Variants in LINGO2 observed in about 807,000 individuals in gnomAD.
LINGO2 encodes leucine-rich repeat and immunoglobulin-like domain-containing nogo receptor-interacting protein 2.
A neutral mutation model predicts 30.6 loss-of-function variants in LINGO2; 14 were observed. The ratio of observed to expected loss-of-function variants is 0.46; its 90% CI spans 0.30 to 0.72. The LOEUF is 0.72. LINGO2 is among the 30% of genes least tolerant of loss of function. The probability of loss-of-function intolerance (pLI) is 0.07; values close to 1 mark genes in which losing one functional copy is unlikely to be tolerated. For synonymous variants in LINGO2, 317 were observed against 288.5 expected, an observed-to-expected ratio of 1.10 and a Z score of -1.00; for missense variants, 729 against 751.7, an observed-to-expected ratio of 0.97 and a Z score of 0.35.
the LINGO2 span, among the ~76,000 whole-genome samples, chr9:29,093,987 C>A: frequency 1.4e-5 from 2 of 138,490 alleles, no homozygotes; most frequent in African/African-American, 5.4e-5. Context: ...TAAGAAAAAT[C>A]TGCATATTTT....
At chr9:29,011,601 A>G in the LINGO2 span, among the ~76,000 whole-genome samples, 1 of 152,192 alleles carries the variant, frequency 6.6e-6, no homozygotes, top group Non-Finnish European at 1.5e-5. Context: ...CCAAGGCATT[A>G]TCAATTTCGC....
At chr9:29,100,974 G>C in the LINGO2 span, among the ~76,000 whole-genome samples, 1 of 152,186 alleles carries the variant, frequency 6.6e-6, no homozygotes, top group African/African-American at 2.4e-5. Flanking sequence ...TACTAAGGTG[G>C]TAGCAGTAGG....
chr9:28,778,906 A>C, the LINGO2 span, among the ~76,000 whole-genome samples: 1 of 152,326 alleles, frequency 6.6e-6, no homozygotes, highest in East Asian at 1.9e-4. Context: ...TGAAAATATT[A>C]AACATTTTGC....
the LINGO2 span, among the ~76,000 whole-genome samples, chr9:29,059,061 T>C: frequency 1.3e-5 from 2 of 151,858 alleles, no homozygotes; most frequent in African/African-American, 2.4e-5. Flanking sequence ...AAATATGAAA[T>C]AGTATGGATG....
chr9:28,496,573 C>T (rs1266959451), intron 1 of LINGO2, among the ~76,000 whole-genome samples: 4 of 151,752 alleles, frequency 2.6e-5, no homozygotes, highest in African/African-American at 9.7e-5. Flanking sequence ...AGATGGGTCT[C>T]CTGAATATAG....
the LINGO2 span, among the ~76,000 whole-genome samples, chr9:29,076,173 C>G: frequency 1.3e-5 from 2 of 151,942 alleles, no homozygotes; most frequent in Non-Finnish European, 2.9e-5. Context: ...CTACTAAACC[C>G]AATCAAAAAA....
the LINGO2 span, among the ~76,000 whole-genome samples, chr9:28,881,585 C>T: frequency 3.1e-4 from 46 of 150,706 alleles, no homozygotes; most frequent in African/African-American, 1.0e-3. Context: ...AAAATGCTAA[C>T]ATTACTGACA....
chr9:28,497,465 T>G (rs1819682021), intron 1 of LINGO2, among the ~76,000 whole-genome samples: 1 of 152,242 alleles, frequency 6.6e-6, no homozygotes, highest in African/African-American at 2.4e-5. Context: ...TACTGAAGCT[T>G]GTGCATTCGT....
chr9:28,635,913 T>A (rs1380979871), intron 1 of LINGO2, among the ~76,000 whole-genome samples: 1 of 152,152 alleles, frequency 6.6e-6, no homozygotes, highest in African/African-American at 2.4e-5. Context: ...CATGTTGGTG[T>A]GTAGCACCCA....
chr9:28,160,524 C>A (rs940205436), intron 4 of LINGO2, among the ~76,000 whole-genome samples: 2 of 152,080 alleles, frequency 1.3e-5, no homozygotes, highest in Non-Finnish European at 2.9e-5. Flanking sequence ...CCAGACTGTC[C>A]CATAAAAGAC....
chr9:28,722,015 C>A, the LINGO2 span, among the ~76,000 whole-genome samples: 4 of 151,682 alleles, frequency 2.6e-5, no homozygotes, highest in Non-Finnish European at 5.9e-5. Flanking sequence ...ATAATAAAAA[C>A]CAAACAGCCC....
intron 1 of LINGO2, among the ~76,000 whole-genome samples, chr9:28,627,008 T>G (rs1826713080): frequency 6.6e-6 from 1 of 152,098 alleles, no homozygotes; most frequent in Non-Finnish European, 1.5e-5. Context: ...ATTTTCCTGC[T>G]TTTTTTATTT....
At position 28,085,701 on chromosome 9, in the gene LINGO2, C is replaced by T. The variant is rs560125562; in HGVS notation, c.-86-73296G>A. On this transcript the variant is annotated intron_variant, in intron 4 of 5. Coordinates refer to ENST00000379992, the Ensembl canonical transcript of LINGO2. ...AATGAGGCATGGAAAGGAGGGTAGG[C>T]ATCTCATTACCTCTTGAGAGTGATC... Among the ~76,000 whole-genome samples, 10 of 152,038 alleles carry T rather than the reference C, an allele frequency of 6.6e-5. No homozygotes were observed. In the East Asian group the frequency reaches 1.2e-3, roughly 18 times the overall value.
intron 2 of LINGO2, among the ~76,000 whole-genome samples, chr9:28,413,466 A>C (rs867549920): frequency 5.9e-5 from 9 of 151,904 alleles, no homozygotes; most frequent in African/African-American, 2.2e-4. Context: ...TGATATGCGA[A>C]CTCTATAGGC....
chr9:28,749,518 G>A, the LINGO2 span, among the ~76,000 whole-genome samples: 136 of 152,072 alleles, frequency 8.9e-4, 1 homozygote, highest in African/African-American at 3.0e-3. Flanking sequence ...GTCTGAATAA[G>A]CTCCATTTGT....
chr9:28,634,485 C>CTTTTTTTTTTTTTT (rs755583837), intron 1 of LINGO2, among the ~76,000 whole-genome samples: 16 of 124,660 alleles, frequency 1.3e-4, no homozygotes, highest in African/African-American at 1.5e-4. Flanking sequence ...TTCTTTTTTT[C>CTTTTTTTTTTTTTT]TTTTTTTTTT....
chr9:28,267,074 C>A (rs1228073532), intron 4 of LINGO2, among the ~76,000 whole-genome samples: 2 of 151,998 alleles, frequency 1.3e-5, no homozygotes. Flanking sequence ...TGCAATAATG[C>A]CCTGTTTGTG....
At position 28,494,951 on chromosome 9, in the gene LINGO2, C is replaced by T. The variant is rs563025092; in HGVS notation, c.-364-18926G>A. Among the ~76,000 whole-genome samples the T allele has an allele frequency of 1.2e-4, 18 of 152,324 alleles. No homozygotes were observed. In the East Asian group the frequency reaches 3.3e-3, roughly 28 times the overall value. On this transcript the variant is annotated intron_variant, in intron 1 of 5. Coordinates refer to ENST00000379992, the Ensembl canonical transcript of LINGO2. ...GGTATCACACTGTGGTTTTGATTTGCATTTCTCTGATGGCCAGTGATGATG... is the reference window on the plus strand; with the variant it reads ...GGTATCACACTGTGGTTTTGATTTGTATTTCTCTGATGGCCAGTGATGATG...
the LINGO2 span, among the ~76,000 whole-genome samples, chr9:28,949,083 G>A: frequency 6.6e-6 from 1 of 152,144 alleles, no homozygotes; most frequent in East Asian, 1.9e-4. Flanking sequence ...TTAAGTTGTT[G>A]TCTCGTAGCT....
Sources: gnomAD v4.1 joint callset for allele counts (sites outside exome capture counted in the v4.1 genomes callset) on GRCh38, gnomAD v4.1.1 for gene constraint, MANE v1.5 for transcripts, NCBI Gene and HGNC (gene_info 2026-07-23, HGNC 2026-07-21) for gene names.